PRDM16: variants seen among roughly 807,000 people sequenced by gnomAD.
PRDM16 encodes histone-lysine N-methyltransferase PRDM16.
PRDM16 carries 23 observed loss-of-function variants against 110.6 expected under a neutral mutation model. The ratio of observed to expected loss-of-function variants is 0.21; its 90% CI spans 0.15 to 0.29. The LOEUF (loss-of-function observed/expected upper bound fraction) is 0.29, where lower values mean the gene tolerates loss of function less well. Among genes scored for constraint, PRDM16 ranks in the 10% least tolerant of loss-of-function variants. PRDM16 has a pLI of 1.00. For synonymous variants in PRDM16, 799 were observed against 781.8 expected (o/e 1.02, Z -0.37); for missense variants, 1,615 against 1,794.3 (o/e 0.90, Z 1.81).
At chr1:3,091,147 G>A (rs1192905727) in intron 1 of PRDM16, among the ~76,000 whole-genome samples, 7 of 152,212 alleles carry the variant, frequency 4.6e-5, no homozygotes, top group Non-Finnish European at 2.9e-5. Flanking sequence ...CGCTAACAGG[G>A]AGACCAAATC....
chr1:3,171,273 C>T (rs774063204), intron 1 of PRDM16, among the ~76,000 whole-genome samples: 1 of 152,242 alleles, frequency 6.6e-6, no homozygotes, highest in Admixed American at 6.5e-5. Flanking sequence ...GCTGTTACGG[C>T]GCTTGCTCAG....
chr1:3,070,858 G>T (rs1489311765), intron 1 of PRDM16, among the ~76,000 whole-genome samples: 1 of 152,220 alleles, frequency 6.6e-6, no homozygotes, highest in African/African-American at 2.4e-5. Flanking sequence ...GCCGTTCCCG[G>T]CCCCTGGGTG....
At chr1:3,200,274 G>A (rs1052713988) in intron 2 of PRDM16, among the ~76,000 whole-genome samples, 5 of 152,326 alleles carry the variant, frequency 3.3e-5, no homozygotes, top group African/African-American at 9.6e-5. Flanking sequence ...CCTGCACACC[G>A]GCAGAAAACC....
Position 3,314,711 on chromosome 1 carries a change from TC to T in PRDM16, c.439-70439del, listed in dbSNP as rs373720438. Among the ~76,000 whole-genome samples the T allele has an allele frequency of 5.3e-5, 8 of 152,050 alleles. 1 individual carries two copies. The East Asian group carries it at 1.2e-3, about 22-fold the overall frequency. Reference sequence around the variant, plus strand: ...TTGTTCTCAGAAAAGTTCCTCCCCCTCCTCCTCATCTCCTGAGCTCTTTGAT... The same window carrying T: ...TTGTTCTCAGAAAAGTTCCTCCCCCTCTCCTCATCTCCTGAGCTCTTTGAT... On this transcript the variant is annotated intron_variant, in intron 3 of 16. Transcript: ENST00000270722.
intron 3 of PRDM16, among the ~76,000 whole-genome samples, chr1:3,352,568 C>T (rs200402483): frequency 6.6e-6 from 1 of 152,240 alleles, no homozygotes; most frequent in East Asian, 1.9e-4. Context: ...CTCAAGGCCT[C>T]CTGCTGCTTT....
At chr1:3,274,449 G>A (rs368875068) in intron 3 of PRDM16, among the ~76,000 whole-genome samples, 11 of 152,300 alleles carry the variant, frequency 7.2e-5, no homozygotes, top group East Asian at 1.9e-4. Flanking sequence ...CAGATTTTGC[G>A]TTTGATTACT....
At chr1:3,224,740 G>A (rs1431258115) in intron 2 of PRDM16, among the ~76,000 whole-genome samples, 1 of 152,240 alleles carries the variant, frequency 6.6e-6, no homozygotes, top group Non-Finnish European at 1.5e-5. Context: ...GGCTCCACAG[G>A]ATGACAGGGG....
At chr1:3,412,846 C>T (rs1342324297) in intron 9 of PRDM16, 46 bp downstream of exon 9, 21 of 1,399,958 alleles carry the variant, frequency 1.5e-5, no homozygotes, top group South Asian at 1.1e-4. Context: ...GGCGGGGCCG[C>T]GGCGGTGCTG....
rs994439151 is a variant in PRDM16, at chr1:3,231,474, G to A, written c.388-12613G>A. Among the ~76,000 whole-genome samples, 9 of 97,538 alleles carry A rather than the reference G, an allele frequency of 9.2e-5. No homozygotes were observed. In the South Asian group the frequency reaches 2.5e-3, roughly 27 times the overall value. 64.0% of individuals were successfully genotyped at this position (97,538 alleles called of 152,430 possible). A position where few individuals can be genotyped will look rare whatever the true frequency, so the allele number is the denominator to read the frequency against. ...TGGGGCATCTGCCTCCCGCTTCACAGATGAGGGCGTCGAGGCTGCTCAGCC... is the reference window on the plus strand; with the variant it reads ...TGGGGCATCTGCCTCCCGCTTCACAAATGAGGGCGTCGAGGCTGCTCAGCC... On this transcript the variant is annotated intron_variant, in intron 2 of 16. Transcript: ENST00000270722.
intron 1 of PRDM16, among the ~76,000 whole-genome samples, chr1:3,114,498 A>G (rs1361486355): frequency 2.7e-5 from 4 of 149,938 alleles, no homozygotes; most frequent in African/African-American, 4.9e-5. Context: ...GCACGCACAC[A>G]CGCGCATGCA....
At chr1:3,310,730 C>T (rs756878004) in intron 3 of PRDM16, among the ~76,000 whole-genome samples, 1 of 152,172 alleles carries the variant, frequency 6.6e-6, no homozygotes, top group Non-Finnish European at 1.5e-5. Context: ...ATGGCCCTGG[C>T]GTGGAGTGTC....
At chr1:3,097,993 G>A (rs1217653592) in intron 1 of PRDM16, among the ~76,000 whole-genome samples, 1 of 152,126 alleles carries the variant, frequency 6.6e-6, no homozygotes, top group Non-Finnish European at 1.5e-5. Context: ...GTCTGCAACA[G>A]GGCAGGTGTC....
chr1:3,332,097 C>T (rs1642052811), intron 3 of PRDM16, among the ~76,000 whole-genome samples: 1 of 152,254 alleles, frequency 6.6e-6, no homozygotes. Context: ...TCTGGCCAAG[C>T]CCCCGACCCT....
intron 1 of PRDM16, among the ~76,000 whole-genome samples, chr1:3,179,229 G>A (rs539534920): frequency 7.2e-5 from 11 of 152,370 alleles, no homozygotes; most frequent in East Asian, 1.9e-4. Context: ...AGAGGGCTCC[G>A]CCTGGACTAG....
chr1:3,158,741 C>CCTTTTTTCT (rs1643876456), intron 1 of PRDM16, among the ~76,000 whole-genome samples: 1 of 146,422 alleles, frequency 6.8e-6, no homozygotes, highest in East Asian at 2.0e-4. Flanking sequence ...CCCTTTCTTC[C>CCTTTTTTCT]CTTTTTTCTT....
intron 2 of PRDM16, among the ~76,000 whole-genome samples, chr1:3,225,531 TG>T: frequency 1.7e-4 from 1 of 5,870 alleles, no homozygotes; most frequent in Non-Finnish European, 6.6e-4. Context: ...GCAGCTTGCC[TG>T]TGTGTGTGTG....
At chr1:3,272,097 A>G (rs1640469340) in intron 3 of PRDM16, among the ~76,000 whole-genome samples, 3 of 152,188 alleles carry the variant, frequency 2.0e-5, no homozygotes, top group African/African-American at 2.4e-5. Flanking sequence ...AGACGCTTCC[A>G]GAGGTGGCTG....
At chr1:3,285,306 C>T (rs920374886) in intron 3 of PRDM16, among the ~76,000 whole-genome samples, 3 of 152,208 alleles carry the variant, frequency 2.0e-5, no homozygotes, top group Admixed American at 6.5e-5. Flanking sequence ...TTCTGATTAC[C>T]TCTCCAGGTG....
At chr1:3,149,913 T>TTCC (rs1342393788) in intron 1 of PRDM16, among the ~76,000 whole-genome samples, 1 of 152,182 alleles carries the variant, frequency 6.6e-6, no homozygotes, top group African/African-American at 2.4e-5. Context: ...AGCTGCCTAG[T>TTCC]TCCTGTTGGG....
Sources: gnomAD v4.1 joint callset for allele counts (sites outside exome capture counted in the v4.1 genomes callset) on GRCh38, gnomAD v4.1.1 for gene constraint, MANE v1.5 for transcripts, NCBI Gene and HGNC (gene_info 2026-07-23, HGNC 2026-07-21) for gene names.